The following TBC1D19 variants were observed in gnomAD, a reference collection of about 807,000 sequenced individuals.
TBC1D19 encodes the protein TBC1 domain family, member 19.
A neutral mutation model predicts 89.0 loss-of-function variants in TBC1D19; 60 were observed. That is an observed-to-expected ratio of 0.67 (90% CI 0.55 to 0.84). TBC1D19 has a LOEUF of 0.84. TBC1D19 is among the 40% of genes least tolerant of loss of function. The pLI is 0.00. For missense variants in TBC1D19, 500 were observed against 610.8 expected, an observed-to-expected ratio of 0.82 and a Z score of 1.91; for synonymous variants, 189 against 199.7, an observed-to-expected ratio of 0.95 and a Z score of 0.45.
intron 1 of TBC1D19, among the ~76,000 whole-genome samples, chr4:26,592,289 C>G (rs1389201062): frequency 1.3e-5 from 2 of 152,112 alleles, no homozygotes; most frequent in Non-Finnish European, 2.9e-5. Context: ...ATTCAACAGC[C>G]CTTCATGCTA....
rs559054038 is a variant in TBC1D19 at position 26,639,484 on chromosome 4, T to C, written c.433+650T>C. Among the ~76,000 whole-genome samples the C allele has an allele frequency of 7.9e-5, 12 of 152,284 alleles. No homozygotes were observed. In the East Asian group the frequency reaches 2.3e-3, roughly 29 times the overall value. On this transcript the variant is annotated intron_variant, in intron 6 of 20. Coordinates refer to ENST00000264866, the MANE Select transcript of TBC1D19 (RefSeq NM_018317.4). ...ATTGTGCAAGCTTAATTATATTGGG[T>C]TGTTAAAAATAGGATAAATAGTGAA...
downstream of TBC1D19, among the ~76,000 whole-genome samples, chr4:26,757,262 G>A (rs1291053048): frequency 1.1e-4 from 16 of 152,152 alleles, no homozygotes; most frequent in South Asian, 8.3e-4. Context: ...TGATCCACCC[G>A]CCTCAGCCTT....
the TBC1D19 span, among the ~76,000 whole-genome samples, chr4:26,804,425 C>T: frequency 6.6e-6 from 1 of 152,188 alleles, no homozygotes; most frequent in African/African-American, 2.4e-5. Flanking sequence ...GGATTACAGG[C>T]GTGAGCCACA....
chr4:26,724,764 A>T (rs1213404240), intron 15 of TBC1D19, among the ~76,000 whole-genome samples: 1 of 152,146 alleles, frequency 6.6e-6, no homozygotes, highest in Non-Finnish European at 1.5e-5. Context: ...CAGAAGTGGG[A>T]GCCTAAGGTC....
Position 26,584,138 on chromosome 4 carries a change from C to G in TBC1D19, c.-56C>G. ...TGGCCCTGAGTGGGACCCGGTAGCC[C>G]GTTCGCTCCGCGCCGGCGGCCTGTC... is the stretch of plus-strand genomic sequence containing the variant. On this transcript the variant is annotated 5_prime_UTR_variant, in exon 1 of 21. Coordinates refer to ENST00000264866, the MANE Select transcript of TBC1D19 (RefSeq NM_018317.4). 6.4e-7 allele frequency: 1 copy of G among 1,557,934 alleles called. No homozygotes were observed. Among genetic ancestry groups the G allele is most frequent in the South Asian group, 1.2e-5 (1 of 85,790 alleles).
At chr4:26,761,529 AT>A in the TBC1D19 span, among the ~76,000 whole-genome samples, 5 of 152,150 alleles carry the variant, frequency 3.3e-5, no homozygotes, top group South Asian at 1.0e-3. Context: ...GTAAAATACA[AT>A]TGATATTTTA....
At chr4:26,769,167 C>A in the TBC1D19 span, among the ~76,000 whole-genome samples, 1 of 151,984 alleles carries the variant, frequency 6.6e-6, no homozygotes, top group African/African-American at 2.4e-5. Flanking sequence ...AAAATGTTGT[C>A]AATCTAGAAT....
the TBC1D19 span, among the ~76,000 whole-genome samples, chr4:26,772,278 G>A: frequency 6.6e-6 from 1 of 152,112 alleles, no homozygotes; most frequent in Non-Finnish European, 1.5e-5. Flanking sequence ...CTCAAGGGAG[G>A]AAGCTGACTA....
At chr4:26,720,388 C>A (rs946735223) in intron 15 of TBC1D19, among the ~76,000 whole-genome samples, 1 of 152,116 alleles carries the variant, frequency 6.6e-6, no homozygotes, top group Non-Finnish European at 1.5e-5. Flanking sequence ...CAAGGCACTT[C>A]ATTTTCCTGT....
chr4:26,807,324 G>C, the TBC1D19 span, among the ~76,000 whole-genome samples: 3 of 152,150 alleles, frequency 2.0e-5, no homozygotes, highest in Middle Eastern at 3.2e-3. Flanking sequence ...TCTGTCCAAG[G>C]AGGGAAGAAG....
intron 13 of TBC1D19, among the ~76,000 whole-genome samples, chr4:26,713,678 A>G (rs1716355800): frequency 6.6e-6 from 1 of 152,138 alleles, no homozygotes; most frequent in African/African-American, 2.4e-5. Context: ...TCTTTTAAAT[A>G]TGAGTAATAA....
chr4:26,602,540 A>T (rs1487490722), intron 1 of TBC1D19, among the ~76,000 whole-genome samples: 1 of 141,416 alleles, frequency 7.1e-6, no homozygotes, highest in African/African-American at 2.6e-5. Context: ...CTCCGGGTTC[A>T]TGCCAGTCTC....
the TBC1D19 span, among the ~76,000 whole-genome samples, chr4:26,817,951 A>G: frequency 1.4e-5 from 2 of 143,326 alleles, no homozygotes; most frequent in African/African-American, 2.7e-5. Context: ...CTGGGTAACA[A>G]GAGTGGAAAC....
the TBC1D19 span, among the ~76,000 whole-genome samples, chr4:26,797,473 G>T: frequency 1.3e-4 from 20 of 152,064 alleles, no homozygotes; most frequent in African/African-American, 4.8e-4. Flanking sequence ...ACTGCCCAAG[G>T]CAATCTACAG....
At chr4:26,794,672 A>G in the TBC1D19 span, among the ~76,000 whole-genome samples, 1 of 152,220 alleles carries the variant, frequency 6.6e-6, no homozygotes, top group Admixed American at 6.5e-5. Flanking sequence ...GTAATACCAG[A>G]TGGTGTCATA....
the TBC1D19 span, among the ~76,000 whole-genome samples, chr4:26,832,929 G>A: frequency 6.6e-6 from 1 of 152,162 alleles, no homozygotes; most frequent in African/African-American, 2.4e-5. Context: ...AGGAGGTGGA[G>A]GTTGTAGTGA....
At chr4:26,722,029 C>G (rs2109273655) in intron 15 of TBC1D19, among the ~76,000 whole-genome samples, 1 of 152,182 alleles carries the variant, frequency 6.6e-6, no homozygotes, top group East Asian at 1.9e-4. Flanking sequence ...GTATCTCTAG[C>G]TATGTTATCT....
chr4:26,676,791 T>G (rs1434659016), intron 11 of TBC1D19, among the ~76,000 whole-genome samples: 1 of 152,178 alleles, frequency 6.6e-6, no homozygotes, highest in Non-Finnish European at 1.5e-5. Context: ...TATTCCTTTA[T>G]TGACATATTC....
At chr4:26,748,613 A>G in intron 19 of TBC1D19, 87 bp downstream of exon 19, 1 of 983,018 alleles carries the variant, frequency 1.0e-6, no homozygotes, top group Non-Finnish European at 1.6e-6. Context: ...CGTAACTGGA[A>G]TTTATTTGTC....
Sources: gnomAD v4.1 joint callset for allele counts (sites outside exome capture counted in the v4.1 genomes callset) on GRCh38, gnomAD v4.1.1 for gene constraint, MANE v1.5 for transcripts, NCBI Gene and HGNC (gene_info 2026-07-23, HGNC 2026-07-21) for gene names.